Variants in PBX3 observed in about 807,000 individuals in gnomAD.
The protein encoded by PBX3 is PBX homeobox 3, also known as pre-B-cell leukemia transcription factor 3.
A neutral mutation model predicts 48.5 loss-of-function variants in PBX3; 14 were observed. The ratio of observed to expected loss-of-function variants is 0.29; its 90% CI spans 0.19 to 0.45. PBX3 has a LOEUF of 0.45. PBX3 is among the 20% of genes least tolerant of loss of function. The probability of loss-of-function intolerance (pLI) is 1.00; values close to 1 mark genes in which losing one functional copy is unlikely to be tolerated. For missense variants in PBX3, 386 were observed against 546.7 expected (o/e 0.71, Z 2.93); for synonymous variants, 210 against 200.3 (o/e 1.05, Z -0.41).
At position 125,860,692 on chromosome 9, in the gene PBX3, A is replaced by C. The variant is rs539109812; in HGVS notation, c.275-54994A>C. Among the ~76,000 whole-genome samples the C allele has an allele frequency of 1.6e-4, 25 of 151,864 alleles. No individual in the cohort carries two copies. In the South Asian group the frequency reaches 5.2e-3, roughly 32 times the overall value. On this transcript the variant is annotated intron_variant, in intron 2 of 8. Transcript: ENST00000373489. Reference sequence around the variant, plus strand: ...GATCACCTGAGGTTAGGAGTTCAAGACCAGCCTGGCCAACATGGTGAAACC... The same window carrying C: ...GATCACCTGAGGTTAGGAGTTCAAGCCCAGCCTGGCCAACATGGTGAAACC...
intron 2 of PBX3, among the ~76,000 whole-genome samples, chr9:125,751,357 G>A (rs1388604080): frequency 6.6e-6 from 1 of 152,188 alleles, no homozygotes; most frequent in East Asian, 1.9e-4. Flanking sequence ...AGTGGATTTT[G>A]AGGTTTCTGA....
At chr9:125,877,122 G>A (rs1180555223) in intron 2 of PBX3, among the ~76,000 whole-genome samples, 1 of 152,112 alleles carries the variant, frequency 6.6e-6, no homozygotes, top group Non-Finnish European at 1.5e-5. Context: ...CAGGAACAGT[G>A]TCATGCACAA....
chr9:125,762,660 C>T (rs1020274043), intron 2 of PBX3, among the ~76,000 whole-genome samples: 1 of 152,134 alleles, frequency 6.6e-6, no homozygotes, highest in Non-Finnish European at 1.5e-5. Flanking sequence ...TCTTATTGGC[C>T]GCTGTGTTAA....
intron 2 of PBX3, among the ~76,000 whole-genome samples, chr9:125,874,480 T>TG (rs1588246187): frequency 6.6e-6 from 1 of 152,136 alleles, no homozygotes; most frequent in African/African-American, 2.4e-5. Flanking sequence ...ACATATAATA[T>TG]GGTTCAGCTT....
At chr9:125,820,254 C>T (rs1838610986) in intron 2 of PBX3, among the ~76,000 whole-genome samples, 1 of 152,226 alleles carries the variant, frequency 6.6e-6, no homozygotes, top group African/African-American at 2.4e-5. Flanking sequence ...TCCTAACAGA[C>T]TGGTTGGCTT....
At chr9:125,900,799 A>G (rs1840927647) in intron 2 of PBX3, among the ~76,000 whole-genome samples, 1 of 151,814 alleles carries the variant, frequency 6.6e-6, no homozygotes, top group Non-Finnish European at 1.5e-5. Flanking sequence ...TTATTTTATC[A>G]GATAACTGAC....
At chr9:125,965,336 T>G (rs534044119) in intron 8 of PBX3, among the ~76,000 whole-genome samples, 13 of 152,250 alleles carry the variant, frequency 8.5e-5, no homozygotes, top group African/African-American at 3.1e-4. Context: ...AAGATCCTAT[T>G]TGGAGGGAAA....
intron 2 of PBX3, among the ~76,000 whole-genome samples, chr9:125,838,703 A>G (rs952098771): frequency 1.3e-5 from 2 of 152,224 alleles, no homozygotes; most frequent in Non-Finnish European, 2.9e-5. Flanking sequence ...GCTAATGTCA[A>G]GTGACAAAAA....
intron 2 of PBX3, among the ~76,000 whole-genome samples, chr9:125,804,450 G>T (rs1365776126): frequency 1.3e-5 from 2 of 152,084 alleles, no homozygotes; most frequent in East Asian, 3.9e-4. Flanking sequence ...GTAGTGTGCT[G>T]TACAAAACCA....
intron 2 of PBX3, among the ~76,000 whole-genome samples, chr9:125,872,189 A>G (rs1484288706): frequency 1.3e-5 from 2 of 152,216 alleles, no homozygotes; most frequent in South Asian, 2.1e-4. Flanking sequence ...AAGAAACAAA[A>G]GCAGGGCAAA....
chr9:125,812,160 T>C (rs1278777029), intron 2 of PBX3, among the ~76,000 whole-genome samples: 1 of 152,212 alleles, frequency 6.6e-6, no homozygotes, highest in Non-Finnish European at 1.5e-5. Flanking sequence ...AAATTTGCGT[T>C]GTCCACAAAC....
At chr9:125,836,873 A>C (rs1047550461) in intron 2 of PBX3, among the ~76,000 whole-genome samples, 6 of 152,238 alleles carry the variant, frequency 3.9e-5, no homozygotes, top group African/African-American at 1.4e-4. Context: ...CAAAGATCAA[A>C]AAGTATGATA....
intron 2 of PBX3, among the ~76,000 whole-genome samples, chr9:125,830,901 T>C (rs1184231163): frequency 6.6e-6 from 1 of 152,072 alleles, no homozygotes; most frequent in African/African-American, 2.4e-5. Context: ...TTATAAAATT[T>C]CCCCCAAATT....
chr9:125,829,190 T>C (rs1285513174), intron 2 of PBX3, among the ~76,000 whole-genome samples: 2 of 152,234 alleles, frequency 1.3e-5, no homozygotes, highest in Non-Finnish European at 2.9e-5. Flanking sequence ...ATTTTCACTT[T>C]GGAATTTCTG....
rs541583284 is a variant in PBX3, at chr9:125,881,427, T to A, written c.275-34259T>A. Among the ~76,000 whole-genome samples, 6 of 152,198 alleles carry A rather than the reference T, an allele frequency of 3.9e-5. No individual in the cohort carries two copies. The East Asian group carries it at 1.2e-3, about 29-fold the overall frequency. On this transcript the variant is annotated intron_variant, in intron 2 of 8. Transcript: ENST00000373489. ...GGAGTATAGGAATTAGTTGGTAAAT[T>A]GACAGCTAAGTTAAAGTACTGAACT...
chr9:125,766,224 A>G (rs1836797151), intron 2 of PBX3, among the ~76,000 whole-genome samples: 1 of 152,084 alleles, frequency 6.6e-6, no homozygotes, highest in Non-Finnish European at 1.5e-5. Flanking sequence ...CTGATACTAT[A>G]TTCTTCTAAT....
intron 2 of PBX3, among the ~76,000 whole-genome samples, chr9:125,913,601 GCTT>G (rs1207631702): frequency 2.0e-5 from 3 of 152,070 alleles, no homozygotes; most frequent in Admixed American, 6.6e-5. Flanking sequence ...TTGTCATTGA[GCTT>G]CTTCTCTTGT....
At chr9:125,781,112 C>CTGGGCAGCCAGGCAGA (rs1837294221) in intron 2 of PBX3, among the ~76,000 whole-genome samples, 2 of 150,694 alleles carry the variant, frequency 1.3e-5, no homozygotes, top group Non-Finnish European at 1.5e-5. Context: ...ACTTCCCAGA[C>CTGGGCAGCCAGGCAGA]GGGGTGGTGG....
intron 2 of PBX3, among the ~76,000 whole-genome samples, chr9:125,782,712 T>C (rs1242620714): frequency 1.3e-5 from 2 of 152,206 alleles, no homozygotes; most frequent in Admixed American, 1.3e-4. Context: ...CGAAGGACCC[T>C]TTTTAGCATT....
Sources: gnomAD v4.1 joint callset for allele counts (sites outside exome capture counted in the v4.1 genomes callset) on GRCh38, gnomAD v4.1.1 for gene constraint, MANE v1.5 for transcripts, NCBI Gene and HGNC (gene_info 2026-07-23, HGNC 2026-07-21) for gene names.